ATP10D: variants seen among roughly 807,000 people sequenced by gnomAD.
ATP10D encodes the protein phospholipid-transporting ATPase VD.
ATP10D carries 89 observed loss-of-function variants against 144.8 expected under a neutral mutation model. That is an observed-to-expected ratio of 0.61 (90% CI 0.52 to 0.73). ATP10D has a LOEUF of 0.73. ATP10D is among the 30% of genes least tolerant of loss of function. ATP10D has a pLI of 0.00. For synonymous variants in ATP10D, 571 were observed against 615.1 expected (o/e 0.93, Z 1.06); for missense variants, 1,603 against 1,714.8 (o/e 0.93, Z 1.15).
At chr4:47,505,033 G>A (rs1316850252) in intron 1 of ATP10D, among the ~76,000 whole-genome samples, 1 of 152,180 alleles carries the variant, frequency 6.6e-6, no homozygotes, top group African/African-American at 2.4e-5. Context: ...TCAACTTTTG[G>A]AAATGTTGGT....
chr4:47,505,781 A>AG (rs1174744751), intron 1 of ATP10D, among the ~76,000 whole-genome samples: 1 of 151,876 alleles, frequency 6.6e-6, no homozygotes, highest in Non-Finnish European at 1.5e-5. Context: ...AAAGAAACCT[A>AG]GGGGGTGAGA....
chr4:47,553,210 G>A lies in ATP10D; in HGVS notation c.1636-1516G>A, dbSNP rs541500965. On this transcript the variant is annotated intron_variant, in intron 10 of 22. Transcript: ENST00000273859. ...TTGGCAAGGAGGTCCTTAAGGCCAG[G>A]GTTGTTCCCTGAGTAACTGAGGGTC... Among the ~76,000 whole-genome samples, 4 of 152,288 alleles carry A rather than the reference G, an allele frequency of 2.6e-5. No homozygotes were observed. In the South Asian group the frequency reaches 8.3e-4, roughly 32 times the overall value.
intron 18 of ATP10D, among the ~76,000 whole-genome samples, chr4:47,573,704 T>C (rs190840598): frequency 2.6e-3 from 401 of 152,320 alleles, no homozygotes; most frequent in African/African-American, 9.2e-3. Context: ...GTAAATATCA[T>C]GAATTTTAGG....
At chr4:47,579,981 G>A (rs559361559) in intron 19 of ATP10D, among the ~76,000 whole-genome samples, 2 of 152,328 alleles carry the variant, frequency 1.3e-5, no homozygotes, top group African/African-American at 4.8e-5. Context: ...AGGAAGCAAA[G>A]AGGGCAGTTA....
intron 9 of ATP10D, among the ~76,000 whole-genome samples, chr4:47,539,792 T>A (rs910916961): frequency 6.6e-6 from 1 of 152,236 alleles, no homozygotes; most frequent in Non-Finnish European, 1.5e-5. Context: ...GCTTTATTTT[T>A]TTGTATTTAT....
At chr4:47,574,213 G>A (rs1021998928) in intron 18 of ATP10D, among the ~76,000 whole-genome samples, 1 of 152,142 alleles carries the variant, frequency 6.6e-6, no homozygotes, top group African/African-American at 2.4e-5. Flanking sequence ...GAATCCAACA[G>A]TAAAGAAATA....
chr4:47,502,924 A>G (rs911637002), intron 1 of ATP10D, among the ~76,000 whole-genome samples: 6 of 152,156 alleles, frequency 3.9e-5, no homozygotes, highest in Non-Finnish European at 8.8e-5. Context: ...CATGTCACTC[A>G]GGTGCAGTGG....
chr4:47,564,183 G>C (rs1719475116), intron 15 of ATP10D, among the ~76,000 whole-genome samples: 1 of 152,114 alleles, frequency 6.6e-6, no homozygotes, highest in Non-Finnish European at 1.5e-5. Context: ...GAGCCACTGT[G>C]CCCTGGCCAG....
chr4:47,572,697 C>T (rs541652362), intron 17 of ATP10D, among the ~76,000 whole-genome samples, 175 bp from the exon 18 acceptor site: 1 of 149,056 alleles, frequency 6.7e-6, no homozygotes, highest in East Asian at 2.0e-4. Flanking sequence ...GTATTTTAGG[C>T]ACAAAATTCA....
chr4:47,586,023 T>G (rs1720773014), intron 21 of ATP10D, among the ~76,000 whole-genome samples: 1 of 152,252 alleles, frequency 6.6e-6, no homozygotes, highest in Non-Finnish European at 1.5e-5. Context: ...GCAGTGGGAT[T>G]GCTGGATCAT....
At chr4:47,534,976 T>C (rs532251377) in intron 5 of ATP10D, among the ~76,000 whole-genome samples, 2 of 152,188 alleles carry the variant, frequency 1.3e-5, no homozygotes, top group South Asian at 2.1e-4. Context: ...TGGAATACTA[T>C]GCAGCCATAA....
At chr4:47,511,346 CT>C (rs1716315459) in intron 1 of ATP10D, among the ~76,000 whole-genome samples, 2 of 151,942 alleles carry the variant, frequency 1.3e-5, no homozygotes, top group South Asian at 4.2e-4. Flanking sequence ...AATATTTTCT[CT>C]CATGATAAGA....
At chr4:47,578,317 C>G (rs1030132057) in intron 19 of ATP10D, 1 of 152,188 alleles carries the variant, frequency 6.6e-6, no homozygotes, top group African/African-American at 2.4e-5. Context: ...AATCTCTCTC[C>G]TCTAAAGATG....
chr4:47,500,918 G>C (rs1363943961), intron 1 of ATP10D, among the ~76,000 whole-genome samples: 1 of 152,230 alleles, frequency 6.6e-6, no homozygotes, highest in African/African-American at 2.4e-5. Flanking sequence ...TGGAAATGCA[G>C]TATGATTGCA....
At chr4:47,572,577 GA>G (rs1356282011) in intron 17 of ATP10D, among the ~76,000 whole-genome samples, 1 of 151,456 alleles carries the variant, frequency 6.6e-6, no homozygotes, top group Non-Finnish European at 1.5e-5. Context: ...GAGACCGAGG[GA>G]AAAAAAGGGA....
chr4:47,560,888 C>T, intron 13 of ATP10D, 61 bp from the exon 14 acceptor site: 1 of 1,601,214 alleles, frequency 6.2e-7, no homozygotes, highest in Admixed American at 1.7e-5. Context: ...AGAGGTCAGT[C>T]CTGGTATTCC....
In ATP10D at chr4:47,569,061, G is replaced by T. The variant is rs757921769; in HGVS notation, c.3078G>T (p.Val1026=). ...AACTGACATCTTGGTGTCAAGCTGTGGTCTGCTGCCGAGCCACACCGCTGC... is the reference window on the plus strand; with the variant it reads ...AACTGACATCTTGGTGTCAAGCTGTTGTCTGCTGCCGAGCCACACCGCTGC... The part of the protein sequence containing the change: ...FLELTSWCQA[V]VCCRATPLQK... The change falls in exon 16 of 23, where the codon GTG becomes GTT. Residue 1026 remains valine, a synonymous_variant. Coordinates refer to ENST00000273859, the MANE Select transcript of ATP10D (RefSeq NM_020453.4). 1.2e-6 allele frequency: 2 copies of T among 1,614,050 alleles called. No homozygotes were observed. Among genetic ancestry groups the T allele is most frequent in the Non-Finnish European group, 1.7e-6 (2 of 1,180,046 alleles).
intron 17 of ATP10D, 92 bp downstream of exon 17, chr4:47,572,322 G>A: frequency 8.9e-7 from 1 of 1,123,462 alleles, no homozygotes; most frequent in South Asian, 1.3e-5. Flanking sequence ...GGCAGAGTGA[G>A]GCTGTGTGTG....
At chr4:47,525,867 A>C (rs946027492) in intron 5 of ATP10D, among the ~76,000 whole-genome samples, 2 of 152,382 alleles carry the variant, frequency 1.3e-5, no homozygotes, top group African/African-American at 4.8e-5. Context: ...TGTGGCATCC[A>C]TATCCCCTTT....
Sources: gnomAD v4.1 joint callset for allele counts (sites outside exome capture counted in the v4.1 genomes callset) on GRCh38, gnomAD v4.1.1 for gene constraint, MANE v1.5 for transcripts, NCBI Gene and HGNC (gene_info 2026-07-23, HGNC 2026-07-21) for gene names.